Variants in VWA3B observed in about 807,000 individuals in gnomAD.
The protein encoded by VWA3B is von Willebrand factor A domain containing 3B.
VWA3B carries 138 observed loss-of-function variants against 158.3 expected under a neutral mutation model. The ratio of observed to expected loss-of-function variants is 0.87; its 90% CI spans 0.76 to 1.00. The LOEUF is 1.00. Ranked by LOEUF, VWA3B falls within the 50% of genes least tolerant of loss-of-function variation. VWA3B has a pLI of 0.00. For synonymous variants in VWA3B, 596 were observed against 587.3 expected (o/e 1.01, Z -0.21); for missense variants, 1,555 against 1,565.1 (o/e 0.99, Z 0.11).
At chr2:98,166,470 C>T (rs1045983428) in intron 8 of VWA3B, among the ~76,000 whole-genome samples, 5 of 152,186 alleles carry the variant, frequency 3.3e-5, no homozygotes, top group Non-Finnish European at 5.9e-5. Flanking sequence ...TCCCCAGAAG[C>T]ACATGGAGGA....
intron 12 of VWA3B, among the ~76,000 whole-genome samples, chr2:98,207,908 T>C (rs970866464): frequency 4.6e-5 from 7 of 152,148 alleles, no homozygotes; most frequent in African/African-American, 1.7e-4. Flanking sequence ...AAAAAAAGAA[T>C]GGTGTACTGA....
intron 22 of VWA3B, among the ~76,000 whole-genome samples, chr2:98,286,269 A>T (rs972535055): frequency 6.7e-6 from 1 of 149,288 alleles, no homozygotes; most frequent in Non-Finnish European, 1.5e-5. Flanking sequence ...TTATTTATTT[A>T]TGCCTGACTG....
At chr2:98,307,940 C>A (rs887153130) in intron 26 of VWA3B, among the ~76,000 whole-genome samples, 2 of 152,184 alleles carry the variant, frequency 1.3e-5, no homozygotes, top group Admixed American at 1.3e-4. Flanking sequence ...GGGAGCCTTT[C>A]CTCCAGGTCT....
At chr2:98,122,666 G>A (rs1573824302) in intron 5 of VWA3B, among the ~76,000 whole-genome samples, 1 of 152,184 alleles carries the variant, frequency 6.6e-6, no homozygotes, top group East Asian at 1.9e-4. Flanking sequence ...GCACACAGCT[G>A]TTCTCTTTGT....
chr2:98,193,057 C>A (rs1681735604), intron 11 of VWA3B, 21 bp downstream of exon 11: 1 of 1,596,120 alleles, frequency 6.3e-7, no homozygotes, highest in Non-Finnish European at 8.5e-7. Context: ...ACTGTCGGTT[C>A]ATGCATTTGG....
intron 12 of VWA3B, among the ~76,000 whole-genome samples, chr2:98,194,994 A>G (rs1426101941): frequency 1.3e-5 from 2 of 152,214 alleles, no homozygotes; most frequent in African/African-American, 4.8e-5. Context: ...TTTCCTCAGA[A>G]GTGACTGCCC....
rs2105914717 is a variant in VWA3B at position 98,279,774 on chromosome 2, C to T, written c.3045+8891C>T. 2.0e-5 allele frequency among the ~76,000 whole-genome samples: 3 copies of T among 152,260 alleles called. 1 individual carries two copies. In the Middle Eastern group the frequency reaches 0.01, roughly 518 times the overall value. Reference sequence around the variant, plus strand: ...CAATACCCCGGCTTCCTCCTGCCTTCTGAGCTTGGCGCGTGCCTCAAGACA... The same window carrying T: ...CAATACCCCGGCTTCCTCCTGCCTTTTGAGCTTGGCGCGTGCCTCAAGACA... On this transcript the variant is annotated intron_variant, in intron 22 of 27. Transcript: ENST00000477737.
chr2:98,324,433 G>A, the VWA3B span, among the ~76,000 whole-genome samples: 12 of 152,306 alleles, frequency 7.9e-5, no homozygotes, highest in East Asian at 2.3e-3. Flanking sequence ...AGAGTGCTGG[G>A]ATTAGAGGTG....
At chr2:98,174,485 G>A (rs1474038902) in intron 8 of VWA3B, among the ~76,000 whole-genome samples, 1 of 152,142 alleles carries the variant, frequency 6.6e-6, no homozygotes, top group Non-Finnish European at 1.5e-5. Flanking sequence ...TTCCTCAGTG[G>A]GAAAAGCCTT....
chr2:98,302,494 C>T (rs1690258726), intron 25 of VWA3B, among the ~76,000 whole-genome samples: 1 of 152,188 alleles, frequency 6.6e-6, no homozygotes, highest in Non-Finnish European at 1.5e-5. Flanking sequence ...GGAAAACAGA[C>T]CCACAAGTGA....
chr2:98,220,165 T>TA (rs58005028), intron 14 of VWA3B, among the ~76,000 whole-genome samples: 1,039 of 83,606 alleles, frequency 0.012, 15 homozygotes, highest in African/African-American at 0.04. Context: ...ACCTGTCTCA[T>TA]AAAAAAAAAA....
At chr2:98,112,279 GGGGTGTGTGTGTGTGTGTGTGT>G (rs1182019697) in intron 2 of VWA3B, among the ~76,000 whole-genome samples, 57 of 95,898 alleles carry the variant, frequency 5.9e-4, no homozygotes, top group African/African-American at 4.5e-3. Context: ...ATGTCTGTTT[GGGGTGTGTGTGTGTGTGTGTGT>G]GGGTGTGTGT....
intron 23 of VWA3B, among the ~76,000 whole-genome samples, chr2:98,297,515 T>G (rs1021323649): frequency 4.6e-5 from 7 of 152,256 alleles, no homozygotes; most frequent in African/African-American, 1.7e-4. Flanking sequence ...ATTAACAACA[T>G]GTATTTTCTA....
At chr2:98,199,803 A>G (rs1355837416) in intron 12 of VWA3B, among the ~76,000 whole-genome samples, 1 of 152,246 alleles carries the variant, frequency 6.6e-6, no homozygotes, top group Non-Finnish European at 1.5e-5. Context: ...GTAGAAATAC[A>G]TGAGACCCAT....
rs1223043764 is a variant in VWA3B, at chr2:98,300,073, C to T, written c.3283-6C>T. ...CAAAATATTTGCTCTATGTTCTCCT[C>T]TGCAGGTTGGAGATTATGTGTTTGC... On this transcript the variant is annotated splice_region_variant and splice_polypyrimidine_tract_variant and intron_variant, in intron 24 of 27. Coordinates refer to ENST00000477737, the MANE Select transcript of VWA3B (RefSeq NM_144992.5). 1 of 1,614,200 alleles carries T rather than the reference C, an allele frequency of 6.2e-7. No homozygotes were observed. Among genetic ancestry groups the T allele is most frequent in the South Asian group, 1.1e-5 (1 of 91,062 alleles).
At chr2:98,090,844 C>G (rs1439910543) in intron 1 of VWA3B, among the ~76,000 whole-genome samples, 1 of 151,678 alleles carries the variant, frequency 6.6e-6, no homozygotes, top group African/African-American at 2.4e-5. Flanking sequence ...CAACCTCGAA[C>G]TCCTGGGCTC....
chr2:98,235,110 C>A (rs7574218), intron 17 of VWA3B, among the ~76,000 whole-genome samples: 87,973 of 151,880 alleles, frequency 0.58, 25,909 homozygotes, highest in South Asian at 0.81. Flanking sequence ...CAGATGAGCC[C>A]CTCTCTGGTC....
At chr2:98,175,261 T>A (rs1206127609) in intron 8 of VWA3B, among the ~76,000 whole-genome samples, 1 of 152,150 alleles carries the variant, frequency 6.6e-6, no homozygotes, top group Non-Finnish European at 1.5e-5. Flanking sequence ...AGATATTAAA[T>A]AAGCGATTTT....
intron 21 of VWA3B, among the ~76,000 whole-genome samples, chr2:98,263,883 G>A (rs1452585312): frequency 6.6e-6 from 1 of 151,888 alleles, no homozygotes; most frequent in East Asian, 1.9e-4. Context: ...TTATTTGTTA[G>A]GAGGTTTTTG....
Sources: allele counts gnomAD v4.1 joint callset (sites outside exome capture counted in the v4.1 genomes callset), GRCh38; gene constraint gnomAD v4.1.1; transcripts MANE v1.5; gene names NCBI Gene and HGNC (gene_info 2026-07-23, HGNC 2026-07-21).